The following CEP295NL variants were observed in gnomAD, a reference collection of about 807,000 sequenced individuals.
CEP295NL encodes the protein protein DDC8 homolog.
Under a neutral mutation model 4.6 loss-of-function variants are expected in CEP295NL, and 3 were observed. The observed-to-expected ratio is 0.65, with a 90% CI of 0.30 to 1.69. The LOEUF (loss-of-function observed/expected upper bound fraction) is 1.69, where lower values mean the gene tolerates loss of function less well. Among genes scored for constraint, CEP295NL ranks in the 40% most tolerant of loss-of-function variants. The probability of loss-of-function intolerance (pLI) is 0.10; values close to 1 mark genes in which losing one functional copy is unlikely to be tolerated. For synonymous variants in CEP295NL, 295 were observed against 312.2 expected, an observed-to-expected ratio of 0.94 and a Z score of 0.58; for missense variants, 719 against 769.0, an observed-to-expected ratio of 0.93 and a Z score of 0.77.
chr17:78,891,294 C>G lies in CEP295NL; in HGVS notation c.1210G>C (p.Gly404Arg), dbSNP rs771290378. ...TCCTCTGCTGGGCTCCTGGGTTCCC[C>G]GGCAGGCAGCATCTCTGGGTCTGCC... ...KMADPEMLPA[G>R]EPRSPAEEEA... Residue 404 changes from glycine (G) to arginine (R), a missense_variant, in exon 3 of 3, where the codon GGG becomes CGG. By Grantham distance (125) the Gly-to-Arg change is moderately radical. Coordinates refer to ENST00000322630, the MANE Select transcript of CEP295NL (RefSeq NM_001243540.2). The surrounding 1 kb of genome is among the most constrained non-coding windows in gnomAD (Gnocchi z 4.5). The G allele has an allele frequency of 1.3e-6, 2 of 1,550,526 alleles. No individual in the cohort carries two copies. Among genetic ancestry groups the G allele is most frequent in the Non-Finnish European group, 1.7e-6 (2 of 1,146,970 alleles).
rs1182612069 is a variant in CEP295NL at position 78,901,690 on chromosome 17, GGAT to G, written c.44+92_44+94del. 50 of 715,950 alleles carry G rather than the reference GGAT, an allele frequency of 7.0e-5. No individual in the cohort carries two copies. In the East Asian group the frequency reaches 1.2e-3, roughly 18 times the overall value. The allele number at this position is 715,950 out of a possible 1,614,324, so 44.3% of individuals were successfully genotyped here. ...TGCCTCAGTTTGCTCTTTAGGATGG[GGAT>G]GATAACAACAGCAGCACCCATCTAC... On this transcript the variant is annotated intron_variant, in intron 2 of 2. Coordinates refer to ENST00000322630, the MANE Select transcript of CEP295NL (RefSeq NM_001243540.2).
Position 78,897,131 on chromosome 17 carries a change from G to A in CEP295NL, c.44+4654C>T, listed in dbSNP as rs565131757. ...CCCCGCCGGCCTCCTCACCCCCTCC[G>A]AAGGAGACTCCAGGCCTGCTGTGCA... is the stretch of plus-strand genomic sequence containing the variant. On this transcript the variant is annotated intron_variant, in intron 2 of 2. Coordinates refer to ENST00000322630, the MANE Select transcript of CEP295NL (RefSeq NM_001243540.2). 5.4e-4 allele frequency: 176 copies of A among 324,290 alleles called. 1 individual carries two copies. The highest frequency in any genetic ancestry group is 3.1e-3 in the East Asian group (18 of 5,876). The allele number at this position is 324,290 out of a possible 1,614,324, so 20.1% of individuals were successfully genotyped here. A position where few individuals can be genotyped will look rare whatever the true frequency, so the allele number is the denominator to read the frequency against.
rs1294031079 is a variant in CEP295NL, at chr17:78,890,805, A to C, written c.1699T>G (p.Ser567Ala). Residue 567 changes from serine to alanine, a missense_variant, in exon 3 of 3, where the codon TCT becomes GCT. Physicochemically the swap from Ser to Ala is moderately conservative, Grantham distance 99. Coordinates refer to ENST00000322630, the MANE Select transcript of CEP295NL (RefSeq NM_001243540.2). ...GATGGGGAAGTGGTGCTGAGCTCAGATCCTCTCTCCCTTTCCTGGGCTCTC... is the reference window on the plus strand; with the variant it reads ...GATGGGGAAGTGGTGCTGAGCTCAGCTCCTCTCTCCCTTTCCTGGGCTCTC... ...STRAQERERGSELSTTSPSGT... is the reference protein window; with the variant it reads ...STRAQERERGAELSTTSPSGT... 1.3e-6 allele frequency: 2 copies of C among 1,550,502 alleles called. No individual in the cohort carries two copies. Among genetic ancestry groups the C allele is most frequent in the Admixed American group, 2.0e-5 (1 of 50,986 alleles).
At chr17:78,892,673 G>A (rs1244414403) in intron 2 of CEP295NL, among the ~76,000 whole-genome samples, 1 of 152,238 alleles carries the variant, frequency 6.6e-6, no homozygotes, top group African/African-American at 2.4e-5. Flanking sequence ...CAGCTGTTTT[G>A]AACAGAGTGT....
In CEP295NL at chr17:78,893,569, G is replaced by A. The variant is rs150569931; in HGVS notation, c.45-1110C>T. ...CATGCCTGCACATCTGTGTGTACAG[G>A]GGGGTGTACAGGTGTGTGTATGTAT... On this transcript the variant is annotated intron_variant, in intron 2 of 2. Coordinates refer to ENST00000322630, the MANE Select transcript of CEP295NL (RefSeq NM_001243540.2). Among the ~76,000 whole-genome samples the A allele has an allele frequency of 3.1e-4, 47 of 152,052 alleles. 1 individual carries two copies. Among genetic ancestry groups the A allele is most frequent in the African/African-American group, 1.1e-3 (46 of 41,438 alleles).
intron 2 of CEP295NL, among the ~76,000 whole-genome samples, chr17:78,895,135 G>T (rs1468028295): frequency 6.6e-6 from 1 of 152,090 alleles, no homozygotes; most frequent in East Asian, 1.9e-4. Flanking sequence ...ACAAAAATTA[G>T]CCGGGTGTGG....
At position 78,892,666 on chromosome 17, in the gene CEP295NL, C is replaced by T. The variant is rs114433910; in HGVS notation, c.45-207G>A. On this transcript the variant is annotated intron_variant, in intron 2 of 2. Transcript: ENST00000322630. Reference sequence around the variant, plus strand: ...CTTTTGACAAGAGCCTGTAGGGCAGCTGTTTTGAACAGAGTGTGGTGTTGT... The same window carrying T: ...CTTTTGACAAGAGCCTGTAGGGCAGTTGTTTTGAACAGAGTGTGGTGTTGT... 4,582 of 689,838 alleles carry T rather than the reference C, an allele frequency of 6.6e-3. 82 individuals carry two copies. Among genetic ancestry groups the T allele is most frequent in the East Asian group, 0.046 (1,638 of 35,612 alleles). The allele number at this position is 689,838 out of a possible 1,614,324, so 42.7% of individuals were successfully genotyped here. A position where few individuals can be genotyped will look rare whatever the true frequency, so the allele number is the denominator to read the frequency against.
chr17:78,892,311 G>A lies in CEP295NL; in HGVS notation c.193C>T (p.Leu65=), dbSNP rs1400891915. The change falls in exon 3 of 3, where the codon CTG becomes TTG. Residue 65 remains leucine (L), a synonymous_variant. Coordinates refer to ENST00000322630, the MANE Select transcript of CEP295NL (RefSeq NM_001243540.2). ...RNRNMDGAMW[L]SLCPDNEDLL... is the part of the protein sequence containing the mutation. ...TCTTCGTTATCAGGACAGAGGCTCA[G>A]CCACATGGCTCCATCCATGTTTCTG... is the stretch of plus-strand genomic sequence containing the variant. 36 of 1,550,556 alleles carry A rather than the reference G, an allele frequency of 2.3e-5. No individual in the cohort carries two copies. The highest frequency in any genetic ancestry group is 3.1e-5 in the Non-Finnish European group (36 of 1,147,032).
At position 78,892,299 on chromosome 17, in the gene CEP295NL, G is replaced by C. The variant is rs1248622416; in HGVS notation, c.205C>G (p.Pro69Ala). The C allele has an allele frequency of 6.4e-6, 10 of 1,550,528 alleles. No individual in the cohort carries two copies. The highest frequency in any genetic ancestry group is 8.7e-6 in the Non-Finnish European group (10 of 1,147,032). Reference sequence around the variant, plus strand: ...CTCCAAAGCAGGTCTTCGTTATCAGGACAGAGGCTCAGCCACATGGCTCCA... The same window carrying C: ...CTCCAAAGCAGGTCTTCGTTATCAGCACAGAGGCTCAGCCACATGGCTCCA... ...MDGAMWLSLC[P>A]DNEDLLWRKK... Residue 69 changes from proline to alanine, a missense_variant, in exon 3 of 3, where the codon CCT (proline) becomes GCT (alanine). Coordinates refer to ENST00000322630, the MANE Select transcript of CEP295NL (RefSeq NM_001243540.2).
In CEP295NL at chr17:78,896,979, G is replaced by A. The variant is rs2070011399; in HGVS notation, c.45-4520C>T. 1.2e-5 allele frequency: 12 copies of A among 985,408 alleles called. No homozygotes were observed. Among genetic ancestry groups the A allele is most frequent in the African/African-American group, 1.7e-5 (1 of 57,342 alleles). 61.0% of individuals were successfully genotyped at this position (985,408 alleles called of 1,614,324 possible). On this transcript the variant is annotated intron_variant, in intron 2 of 2. Coordinates refer to ENST00000322630, the MANE Select transcript of CEP295NL (RefSeq NM_001243540.2). The surrounding 1 kb of genome is among the most constrained non-coding windows in gnomAD (Gnocchi z 4.4). ...CTCTGGCCTACAGCTTGAGAATGAC[G>A]TCCAAGCAGCTCGCCTTTCCCTGGG...
intron 2 of CEP295NL, chr17:78,899,601 G>A (rs1292452214): frequency 6.6e-6 from 1 of 152,186 alleles, no homozygotes; most frequent in East Asian, 1.9e-4. Flanking sequence ...CGGTCAAGCA[G>A]CTCGCCCTGG....
At chr17:78,902,680 A>C (rs1283037796) in intron 1 of CEP295NL, 1 of 152,262 alleles carries the variant, frequency 6.6e-6, no homozygotes, top group Non-Finnish European at 1.5e-5. Context: ...CCAAACTCCC[A>C]GCTGAGACGC....
At chr17:78,900,300 C>G in intron 2 of CEP295NL, 1 of 152,178 alleles carries the variant, frequency 6.6e-6, no homozygotes, top group Non-Finnish European at 1.5e-5. Context: ...AATCCCAGCA[C>G]TTTGGGAGGC....
rs58125013 is a variant in CEP295NL at position 78,893,617 on chromosome 17, G to A, written c.45-1158C>T. On this transcript the variant is annotated intron_variant, in intron 2 of 2. Transcript: ENST00000322630. ...TATGCATGTCTGTGTGTGCCTCTGT[G>A]TGCATGTCGGTGTGTGTATGTGTAT... Among the ~76,000 whole-genome samples the A allele has an allele frequency of 2.1e-3, 321 of 152,138 alleles. 6 individuals carry two copies. The East Asian group carries it at 0.052, about 25-fold the overall frequency.
rs1166300553 is a variant in CEP295NL, at chr17:78,891,094, A to G, written c.1410T>C (p.Ser470=). Reference sequence around the variant, plus strand: ...TGCCCAGTTTGGGGGTCTCTTGTCCAGATTCAGTGCTATACAATAATGAGT... The same window carrying G: ...TGCCCAGTTTGGGGGTCTCTTGTCCGGATTCAGTGCTATACAATAATGAGT... ...KEDSLLYSTE[S]GQETPKLGTL... Residue 470 remains serine, a synonymous_variant, in exon 3 of 3, where the codon TCT becomes TCC. Transcript: ENST00000322630. This position sits in a 1 kb window ranked among gnomAD's most constrained non-coding sequence, Gnocchi z 4.5. The G allele has an allele frequency of 1.3e-6, 2 of 1,550,876 alleles. No homozygotes were observed. Among genetic ancestry groups the G allele is most frequent in the East Asian group, 4.9e-5 (2 of 40,910 alleles).
intron 2 of CEP295NL, chr17:78,899,950 G>A (rs1344656973): frequency 3.3e-5 from 5 of 152,226 alleles, no homozygotes; most frequent in African/African-American, 1.2e-4. Context: ...GCCAGAGAGA[G>A]AACATTTCCA....
Position 78,891,315 on chromosome 17 carries a change from C to G in CEP295NL, c.1189G>C (p.Asp397His). 6.4e-7 allele frequency: 1 copy of G among 1,550,428 alleles called. No homozygotes were observed. Among genetic ancestry groups the G allele is most frequent in the Non-Finnish European group, 8.7e-7 (1 of 1,146,952 alleles). ...AGTPRGKKMA[D>H]PEMLPAGEPR... is the part of the protein sequence containing the mutation. ...TCCCCGGCAGGCAGCATCTCTGGGT[C>G]TGCCATTTTCTTCCCTCTTGGGGTC... The change falls in exon 3 of 3, where the codon GAC becomes CAC. Residue 397 changes from aspartate (D) to histidine (H), a missense_variant. Physicochemically the swap from Asp to His is moderately conservative, Grantham distance 81 (BLOSUM62 -1). Transcript: ENST00000322630. The surrounding 1 kb of genome is among the most constrained non-coding windows in gnomAD (Gnocchi z 4.5).
Position 78,896,650 on chromosome 17 carries a change from C to T in CEP295NL, c.45-4191G>A, listed in dbSNP as rs1185907803. ...CTGCCACCCCGAGCTGACAAGCCTG[C>T]CTTCTGCTGGCTGCCTTCAACCACT... On this transcript the variant is annotated intron_variant, in intron 2 of 2. Coordinates refer to ENST00000322630, the MANE Select transcript of CEP295NL (RefSeq NM_001243540.2). This position sits in a 1 kb window ranked among gnomAD's most constrained non-coding sequence, Gnocchi z 4.4. Among the ~76,000 whole-genome samples the T allele has an allele frequency of 6.6e-6, 1 of 152,168 alleles. No individual in the cohort carries two copies.
Position 78,890,779 on chromosome 17 carries a change from C to G in CEP295NL, c.1725G>C (p.Ser575=). 9 of 1,550,586 alleles carry G rather than the reference C, an allele frequency of 5.8e-6. No homozygotes were observed. Among genetic ancestry groups the G allele is most frequent in the Non-Finnish European group, 7.8e-6 (9 of 1,146,994 alleles). Residue 575 remains serine (S), a synonymous_variant, in exon 3 of 3, where the codon TCG becomes TCC. Coordinates refer to ENST00000322630, the MANE Select transcript of CEP295NL (RefSeq NM_001243540.2). ...GGTCGTCGTCGGCGAGGCTGGTGCC[C>G]GATGGGGAAGTGGTGCTGAGCTCAG... ...RGSELSTTSP[S]GTSLADDDRH...
Sources: allele counts gnomAD v4.1 joint callset (sites outside exome capture counted in the v4.1 genomes callset), GRCh38; gene constraint gnomAD v4.1.1; non-coding constraint Gnocchi (gnomAD v3.1); transcripts MANE v1.5; gene names NCBI Gene and HGNC (gene_info 2026-07-23, HGNC 2026-07-21).